MCU: variants seen among roughly 807,000 people sequenced by gnomAD.
MCU encodes calcium uniporter protein, mitochondrial.
MCU carries 12 observed loss-of-function variants against 45.2 expected under a neutral mutation model. The observed-to-expected ratio is 0.27, with a 90% CI of 0.17 to 0.43. The LOEUF is 0.43. Among genes scored for constraint, MCU ranks in the 20% least tolerant of loss-of-function variants. The pLI, the probability that MCU is intolerant of heterozygous loss-of-function variation, is 1.00. For synonymous variants in MCU, 160 were observed against 165.1 expected, an observed-to-expected ratio of 0.97 and a Z score of 0.24; for missense variants, 324 against 436.7, an observed-to-expected ratio of 0.74 and a Z score of 2.30.
chr10:72,767,901 A>G (rs561722280), intron 1 of MCU, among the ~76,000 whole-genome samples: 1 of 152,196 alleles, frequency 6.6e-6, no homozygotes, highest in Non-Finnish European at 1.5e-5. Flanking sequence ...GATAAATTTT[A>G]CTGGTTGTTT....
At chr10:72,723,832 C>A (rs1843056843) in intron 1 of MCU, among the ~76,000 whole-genome samples, 1 of 152,176 alleles carries the variant, frequency 6.6e-6, no homozygotes, top group Non-Finnish European at 1.5e-5. Context: ...GTTTGTTGCT[C>A]TGCAGATAGA....
intron 4 of MCU, among the ~76,000 whole-genome samples, chr10:72,867,063 A>G (rs1169249174): frequency 6.7e-6 from 1 of 149,388 alleles, no homozygotes; most frequent in Non-Finnish European, 1.5e-5. Flanking sequence ...GGCATACAAG[A>G]TACCCAGCTA....
Position 72,870,537 on chromosome 10 carries a change from C to T in MCU, c.658-840C>T, listed in dbSNP as rs182067698. Among the ~76,000 whole-genome samples the T allele has an allele frequency of 4.1e-3, 624 of 152,340 alleles. 2 individuals carry two copies. The highest frequency in any genetic ancestry group is 0.014 in the Middle Eastern group (4 of 294). On this transcript the variant is annotated intron_variant, in intron 5 of 7. Transcript: ENST00000373053. ...GACCTCGTGATCCACCTGCCTTGGC[C>T]TCCCAAAGTGCTGGGATTACAGGCG...
At chr10:72,801,320 A>T (rs559014442) in intron 1 of MCU, among the ~76,000 whole-genome samples, 1 of 151,288 alleles carries the variant, frequency 6.6e-6, no homozygotes, top group East Asian at 1.9e-4. Flanking sequence ...TTGATTACAT[A>T]ATTTCCTAGA....
chr10:72,857,844 G>T (rs756255377), intron 2 of MCU, among the ~76,000 whole-genome samples: 3 of 152,152 alleles, frequency 2.0e-5, no homozygotes, highest in Admixed American at 6.6e-5. Flanking sequence ...CTATACTTTT[G>T]TAGAAGATCC....
intron 1 of MCU, among the ~76,000 whole-genome samples, chr10:72,770,980 A>G (rs1843798503): frequency 6.6e-6 from 1 of 151,990 alleles, no homozygotes; most frequent in African/African-American, 2.4e-5. Flanking sequence ...TATTTCTTGT[A>G]ATGCAGATCT....
chr10:72,872,328 A>G (rs946657519), intron 6 of MCU, among the ~76,000 whole-genome samples: 5 of 151,986 alleles, frequency 3.3e-5, no homozygotes, highest in African/African-American at 2.4e-5. Flanking sequence ...GTTGTTAACT[A>G]TTGAACACTA....
chr10:72,692,702 T>G, intron 1 of MCU: 4 of 1,223,058 alleles, frequency 3.3e-6, no homozygotes, highest in Admixed American at 3.9e-5. Flanking sequence ...TCCGGGCGGG[T>G]TGGGGAGTTC....
At chr10:72,760,449 T>G (rs1843638496) in intron 1 of MCU, 1 of 152,200 alleles carries the variant, frequency 6.6e-6, no homozygotes, top group African/African-American at 2.4e-5. Context: ...TAGTGAGCAC[T>G]TAACACCAGG....
chr10:72,805,105 T>TTCTTTCTG (rs1564562250), intron 1 of MCU, among the ~76,000 whole-genome samples: 1 of 91,524 alleles, frequency 1.1e-5, no homozygotes, highest in Non-Finnish European at 2.1e-5. Context: ...TTCTTTCTCT[T>TTCTTTCTG]TCTTTCTTTC....
At chr10:72,796,680 C>G (rs1844251748) in intron 1 of MCU, among the ~76,000 whole-genome samples, 1 of 142,204 alleles carries the variant, frequency 7.0e-6, no homozygotes, top group East Asian at 2.0e-4. Context: ...CGCCTGGCTA[C>G]TTTTTAGTTT....
At chr10:72,740,158 G>A (rs1843306788) in intron 1 of MCU, among the ~76,000 whole-genome samples, 3 of 151,782 alleles carry the variant, frequency 2.0e-5, no homozygotes, top group Admixed American at 6.6e-5. Context: ...GCGGTGGGCG[G>A]ATCACAAGGT....
chr10:72,802,898 G>C (rs867668643), intron 1 of MCU, among the ~76,000 whole-genome samples: 1 of 152,180 alleles, frequency 6.6e-6, no homozygotes, highest in Non-Finnish European at 1.5e-5. Context: ...ATGTTGAGTA[G>C]CATTTCACTA....
At chr10:72,758,049 G>T (rs1320219947) in intron 1 of MCU, among the ~76,000 whole-genome samples, 1 of 152,166 alleles carries the variant, frequency 6.6e-6, no homozygotes, top group African/African-American at 2.4e-5. Flanking sequence ...GTAAATATGT[G>T]GCAGTAAACT....
At chr10:72,826,648 A>C (rs746404607) in intron 1 of MCU, among the ~76,000 whole-genome samples, 6 of 152,234 alleles carry the variant, frequency 3.9e-5, no homozygotes, top group Non-Finnish European at 8.8e-5. Context: ...ACTCTCAATA[A>C]AATTCTTTAA....
rs537273936 is a variant in MCU, at chr10:72,809,849, T to G, written c.151-24510T>G. On this transcript the variant is annotated intron_variant, in intron 1 of 7. Transcript: ENST00000373053. ...CAAAGACAGTAGAGTAAGAAGTAAA[T>G]TCAGGAACTCCTAGAGTGTCATAGA... 2.0e-5 allele frequency among the ~76,000 whole-genome samples: 3 copies of G among 152,160 alleles called. No individual in the cohort carries two copies. The South Asian group carries it at 6.2e-4, about 32-fold the overall frequency.
At chr10:72,819,289 A>T (rs948080967) in intron 1 of MCU, among the ~76,000 whole-genome samples, 1 of 152,224 alleles carries the variant, frequency 6.6e-6, no homozygotes, top group African/African-American at 2.4e-5. Context: ...GTGAGAAGGC[A>T]GGTAGAAGAG....
At chr10:72,790,668 T>G (rs987220372) in intron 1 of MCU, among the ~76,000 whole-genome samples, 1 of 152,200 alleles carries the variant, frequency 6.6e-6, no homozygotes, top group African/African-American at 2.4e-5. Context: ...ATTCCTGGGA[T>G]TCCCTGGTAC....
At chr10:72,773,883 C>G (rs528096049) in intron 1 of MCU, among the ~76,000 whole-genome samples, 13 of 152,206 alleles carry the variant, frequency 8.5e-5, no homozygotes, top group African/African-American at 3.1e-4. Flanking sequence ...AATTGTCTTT[C>G]AGAAATTAAG....
Sources: gnomAD v4.1 joint callset for allele counts (sites outside exome capture counted in the v4.1 genomes callset) on GRCh38, gnomAD v4.1.1 for gene constraint, MANE v1.5 for transcripts, NCBI Gene and HGNC (gene_info 2026-07-23, HGNC 2026-07-21) for gene names.